Variants in PCDHGA12 observed in about 807,000 individuals in gnomAD.
PCDHGA12 encodes protocadherin gamma-A12.
PCDHGA12 carries 43 observed loss-of-function variants against 61.1 expected under a neutral mutation model. That is an observed-to-expected ratio of 0.70 (90% CI 0.55 to 0.91). PCDHGA12 has a LOEUF of 0.91. Among genes scored for constraint, PCDHGA12 ranks in the 40% least tolerant of loss-of-function variants. PCDHGA12 has a pLI of 0.00. For missense variants in PCDHGA12, 1,236 were observed against 1,227.7 expected, an observed-to-expected ratio of 1.01 and a Z score of -0.10; for synonymous variants, 520 against 542.9, an observed-to-expected ratio of 0.96 and a Z score of 0.59.
Position 141,485,870 on chromosome 5 carries a change from C to T in PCDHGA12, c.2425-8937C>T. The stretch of plus-strand genomic sequence containing the variant: ...CACCGCAGAGCTCCGGGTATCCGTG[C>T]TGGACGTAAACGACAACGCCCCAGC... On this transcript the variant is annotated intron_variant, in intron 1 of 3. Coordinates refer to ENST00000252085, the MANE Select transcript of PCDHGA12 (RefSeq NM_003735.3). This position sits in a 1 kb window ranked among gnomAD's most constrained non-coding sequence, Gnocchi z 5.7. 6.2e-7 allele frequency: 1 copy of T among 1,614,174 alleles called. No homozygotes were observed. The highest frequency in any genetic ancestry group is 8.5e-7 in the Non-Finnish European group (1 of 1,180,032).
chr5:141,471,394 G>A (rs1349459242), intron 1 of PCDHGA12: 1 of 152,056 alleles, frequency 6.6e-6, no homozygotes, highest in Non-Finnish European at 1.5e-5. Context: ...TACAAGTTAC[G>A]TAGCTAGGCT....
chr5:141,506,447 A>G (rs1405495926), intron 3 of PCDHGA12, among the ~76,000 whole-genome samples: 3 of 146,906 alleles, frequency 2.0e-5, no homozygotes, highest in Non-Finnish European at 3.0e-5. Flanking sequence ...TCTGTCTCAA[A>G]AAAAAAAAAA....
chr5:141,462,792 G>C (rs2099046915), intron 1 of PCDHGA12, among the ~76,000 whole-genome samples: 1 of 152,080 alleles, frequency 6.6e-6, no homozygotes, highest in Admixed American at 6.6e-5. Flanking sequence ...TTGCTTATTT[G>C]CATGTCTAAT....
intron 1 of PCDHGA12, among the ~76,000 whole-genome samples, chr5:141,472,862 T>C (rs770564770): frequency 1.3e-5 from 2 of 150,322 alleles, no homozygotes; most frequent in South Asian, 4.2e-4. Flanking sequence ...GGCACATGCC[T>C]GTATTCCCAG....
At chr5:141,502,093 G>C (rs1037154464) in intron 2 of PCDHGA12, among the ~76,000 whole-genome samples, 27 of 152,112 alleles carry the variant, frequency 1.8e-4, no homozygotes, top group Admixed American at 1.7e-3. Flanking sequence ...AGAACACCTG[G>C]CCTTGACCCT....
intron 3 of PCDHGA12, among the ~76,000 whole-genome samples, chr5:141,508,792 CT>C (rs1475631459): frequency 6.6e-6 from 1 of 152,130 alleles, no homozygotes; most frequent in Non-Finnish European, 1.5e-5. Flanking sequence ...CTAAATCACT[CT>C]GGAATCCTGG....
intron 3 of PCDHGA12, 86 bp downstream of exon 3, chr5:141,505,567 T>C: frequency 6.3e-7 from 1 of 1,599,440 alleles, no homozygotes; most frequent in South Asian, 1.1e-5. Flanking sequence ...ACGGACTGGA[T>C]GTCAAACCTG....
chr5:141,505,298 T>C, intron 2 of PCDHGA12, 95 bp from the exon 3 acceptor site: 1 of 1,586,334 alleles, frequency 6.3e-7, no homozygotes, highest in Non-Finnish European at 8.6e-7. Flanking sequence ...GGGGTAGGGT[T>C]AGGGTACTAG....
In PCDHGA12 at chr5:141,432,012, A is replaced by G. The variant is rs756906117; in HGVS notation, c.1253A>G (p.Tyr418Cys). ...TTGGATAGGGAACAGGTTCCTAGCT[A>G]CAACATCACAGTGACCGCCACTGAC... ...IVLDREQVPS[Y>C]NITVTATDRG... The change falls in exon 1 of 4, where the codon TAC becomes TGC. Residue 418 changes from tyrosine (Y) to cysteine (C), a missense_variant. Transcript: ENST00000252085. The surrounding 1 kb of genome is among the most constrained non-coding windows in gnomAD (Gnocchi z 6.0). The G allele has an allele frequency of 1.1e-5, 18 of 1,614,056 alleles. No homozygotes were observed. The highest frequency in any genetic ancestry group is 1.3e-5 in the Non-Finnish European group (15 of 1,180,008).
Position 141,487,295 on chromosome 5 carries a change from T to C in PCDHGA12, c.2425-7512T>C, listed in dbSNP as rs2099642474. The C allele has an allele frequency of 5.6e-6, 9 of 1,614,164 alleles. No individual in the cohort carries two copies. In the East Asian group the frequency reaches 1.3e-4, roughly 24 times the overall value. ...AATTTGCTTTGTCTCCTTTGGCTCA[T>C]TCGTGGCACTACTCTCTAAGTGTCT... On this transcript the variant is annotated intron_variant, in intron 1 of 3. Transcript: ENST00000252085. This position sits in a 1 kb window ranked among gnomAD's most constrained non-coding sequence, Gnocchi z 5.0.
intron 2 of PCDHGA12, among the ~76,000 whole-genome samples, chr5:141,496,419 C>T (rs1292183963): frequency 6.6e-6 from 1 of 152,174 alleles, no homozygotes; most frequent in Non-Finnish European, 1.5e-5. Flanking sequence ...TACTTGCTGT[C>T]CACATTTGCC....
Position 141,476,658 on chromosome 5 carries a change from C to A in PCDHGA12, c.2425-18149C>A, listed in dbSNP as rs182518072. On this transcript the variant is annotated intron_variant, in intron 1 of 3. Transcript: ENST00000252085. The surrounding 1 kb of genome is among the most constrained non-coding windows in gnomAD (Gnocchi z 7.6). ...GAGCTGAGCCGAAATGAATACTTTGCGCTTCGCGTGCAGACGCGGGAGGAC... is the reference window on the plus strand; with the variant it reads ...GAGCTGAGCCGAAATGAATACTTTGAGCTTCGCGTGCAGACGCGGGAGGAC... 2 of 1,614,244 alleles carry A rather than the reference C, an allele frequency of 1.2e-6. No homozygotes were observed. The highest frequency in any genetic ancestry group is 2.2e-5 in the East Asian group (1 of 44,878).
At chr5:141,439,183 ACT>A (rs1255299140) in intron 1 of PCDHGA12, among the ~76,000 whole-genome samples, 3 of 145,262 alleles carry the variant, frequency 2.1e-5, no homozygotes, top group Non-Finnish European at 3.0e-5. Context: ...ACATAGTGAG[ACT>A]CTGACAAAAA....
At chr5:141,478,279 G>A (rs2099443292) in intron 1 of PCDHGA12, 1 of 1,614,202 alleles carries the variant, frequency 6.2e-7, no homozygotes, top group Middle Eastern at 1.6e-4. Context: ...ACAAGTGGAA[G>A]CAGTCTAGAG....
At chr5:141,450,642 A>C (rs2098688710) in intron 1 of PCDHGA12, among the ~76,000 whole-genome samples, 1 of 151,504 alleles carries the variant, frequency 6.6e-6, no homozygotes, top group Non-Finnish European at 1.5e-5. Context: ...GCCTGCCACC[A>C]TGCCTGGCTA....
rs1022516458 is a variant in PCDHGA12, at chr5:141,476,612, A to G, written c.2425-18195A>G. The G allele has an allele frequency of 1.2e-6, 2 of 1,614,236 alleles. No individual in the cohort carries two copies. The highest frequency in any genetic ancestry group is 2.2e-5 in the South Asian group (2 of 91,080). ...GAGCGCGCACGATCCCGATGTGGGA[A>G]GCAACTCTTTACAAACCTATGAGCT... On this transcript the variant is annotated intron_variant, in intron 1 of 3. Transcript: ENST00000252085. The surrounding 1 kb of genome is among the most constrained non-coding windows in gnomAD (Gnocchi z 7.6).
At chr5:141,436,042 T>A (rs1246680632) in intron 1 of PCDHGA12, among the ~76,000 whole-genome samples, 4 of 152,182 alleles carry the variant, frequency 2.6e-5, no homozygotes, top group Non-Finnish European at 5.9e-5. Context: ...TGTATTTACA[T>A]TAGTTTTCAA....
chr5:141,476,483 G>A lies in PCDHGA12; in HGVS notation c.2425-18324G>A. On this transcript the variant is annotated intron_variant, in intron 1 of 3. Coordinates refer to ENST00000252085, the MANE Select transcript of PCDHGA12 (RefSeq NM_003735.3). The surrounding 1 kb of genome is among the most constrained non-coding windows in gnomAD (Gnocchi z 7.6). The stretch of plus-strand genomic sequence containing the variant: ...CCCGCTGGAGCTGTTCAGCGTGGAA[G>A]TGGTGATCCAGGACATCAACGACAA... The A allele has an allele frequency of 3.1e-6, 5 of 1,614,166 alleles. No individual in the cohort carries two copies. Among genetic ancestry groups the A allele is most frequent in the Non-Finnish European group, 4.2e-6 (5 of 1,180,034 alleles).
At chr5:141,449,566 G>A (rs1235137244) in intron 1 of PCDHGA12, among the ~76,000 whole-genome samples, 4 of 147,126 alleles carry the variant, frequency 2.7e-5, no homozygotes, top group East Asian at 4.0e-4. Context: ...TCCAGCCTGG[G>A]CGACAGAGCA....
Sources: allele counts gnomAD v4.1 joint callset (sites outside exome capture counted in the v4.1 genomes callset), GRCh38; gene constraint gnomAD v4.1.1; non-coding constraint Gnocchi (gnomAD v3.1); transcripts MANE v1.5; gene names NCBI Gene and HGNC (gene_info 2026-07-23, HGNC 2026-07-21).